CORO2B: variants seen among roughly 807,000 people sequenced by gnomAD.
The protein encoded by CORO2B is coronin 2B.
CORO2B carries 26 observed loss-of-function variants against 58.8 expected under a neutral mutation model. That is an observed-to-expected ratio of 0.44 (90% CI 0.32 to 0.61). CORO2B has a LOEUF of 0.61. Among genes scored for constraint, CORO2B ranks in the 20% least tolerant of loss-of-function variants. The pLI, the probability that CORO2B is intolerant of heterozygous loss-of-function variation, is 0.04. For synonymous variants in CORO2B, 242 were observed against 253.8 expected, an observed-to-expected ratio of 0.95 and a Z score of 0.44; for missense variants, 460 against 645.1, an observed-to-expected ratio of 0.71 and a Z score of 3.11.
At chr15:68,705,938 A>T (rs762795317) in intron 3 of CORO2B, among the ~76,000 whole-genome samples, 2 of 152,158 alleles carry the variant, frequency 1.3e-5, no homozygotes, top group Admixed American at 1.3e-4. Context: ...TGAGACTGGA[A>T]CCTGGGCTGG....
chr15:68,699,627 G>T (rs530529830), intron 3 of CORO2B, among the ~76,000 whole-genome samples: 1 of 152,142 alleles, frequency 6.6e-6, no homozygotes, highest in Non-Finnish European at 1.5e-5. Flanking sequence ...GCCCTGAACC[G>T]CATCTTACCC....
intron 5 of CORO2B, 134 bp downstream of exon 5, chr15:68,711,840 C>T (rs1355689154): frequency 8.6e-6 from 9 of 1,048,438 alleles, no homozygotes; most frequent in South Asian, 2.9e-5. Context: ...GTTGAACAAC[C>T]TTTCTCTCTC....
chr15:68,656,547 A>T (rs1486686061), intron 2 of CORO2B, among the ~76,000 whole-genome samples: 1 of 152,044 alleles, frequency 6.6e-6, no homozygotes, highest in Non-Finnish European at 1.5e-5. Flanking sequence ...CAGATGATTG[A>T]TCCTGGCAGC....
chr15:68,694,737 C>T lies in CORO2B; in HGVS notation c.217-403C>T, dbSNP rs534126987. 5.3e-5 allele frequency among the ~76,000 whole-genome samples: 8 copies of T among 152,322 alleles called. No individual in the cohort carries two copies. The South Asian group carries it at 8.3e-4, about 16-fold the overall frequency. On this transcript the variant is annotated intron_variant, in intron 2 of 11. Transcript: ENST00000261861. Reference sequence around the variant, plus strand: ...TAGGTACACCCAGCATCTGAGCGTGCGTGAACAAGGCAGATCGTGGGCCTG... The same window carrying T: ...TAGGTACACCCAGCATCTGAGCGTGTGTGAACAAGGCAGATCGTGGGCCTG...
At chr15:68,554,244 T>G in the CORO2B span, among the ~76,000 whole-genome samples, 3 of 151,970 alleles carry the variant, frequency 2.0e-5, no homozygotes, top group Non-Finnish European at 4.4e-5. Context: ...TGAAATTGAG[T>G]GGACTAGACT....
intron 1 of CORO2B, among the ~76,000 whole-genome samples, chr15:68,641,829 T>C (rs1160524815): frequency 6.6e-6 from 1 of 151,976 alleles, no homozygotes; most frequent in African/African-American, 2.4e-5. Flanking sequence ...GCTCAAGCCA[T>C]CCTCCCACCT....
chr15:68,709,352 G>A (rs917152669), intron 3 of CORO2B, among the ~76,000 whole-genome samples: 3 of 150,934 alleles, frequency 2.0e-5, no homozygotes, highest in African/African-American at 7.3e-5. Flanking sequence ...TTTTTTTTTG[G>A]TTGGCTATTT....
rs755530055 is a variant in CORO2B at position 68,726,377 on chromosome 15, G to T, written c.*403G>T. The T allele has an allele frequency of 5.5e-5, 15 of 270,334 alleles. No individual in the cohort carries two copies. In the Admixed American group the frequency reaches 6.5e-4, roughly 12 times the overall value. The allele number at this position is 270,334 out of a possible 1,614,324, so 16.7% of individuals were successfully genotyped here. On this transcript the variant is annotated 3_prime_UTR_variant, in exon 12 of 12. Coordinates refer to ENST00000261861, the MANE Select transcript of CORO2B (RefSeq NM_006091.5). ...GCTGCCAGGACATCTCAGCACTCCC[G>T]CCTGGAGCTCTCAGCATCACTGAAG...
rs1596044384 is a variant in CORO2B, at chr15:68,726,094, A to C, written c.*120A>C. On this transcript the variant is annotated 3_prime_UTR_variant, in exon 12 of 12. Transcript: ENST00000261861. ...GACAGGAGTGGGGGCCAGCCTGAGG[A>C]CCCCCGCCTACCACCTCGAGAACTG... The C allele has an allele frequency of 7.9e-7, 1 of 1,267,862 alleles. No homozygotes were observed. 78.5% of individuals were successfully genotyped at this position (1,267,862 alleles called of 1,614,324 possible). A position where few individuals can be genotyped will look rare whatever the true frequency, so the allele number is the denominator to read the frequency against.
At chr15:68,587,803 A>C (rs1899604724) in intron 1 of CORO2B, among the ~76,000 whole-genome samples, 2 of 152,186 alleles carry the variant, frequency 1.3e-5, no homozygotes, top group Non-Finnish European at 1.5e-5. Context: ...GAAGGAAGGG[A>C]GGTAACTTTT....
At chr15:68,541,947 G>T in the CORO2B span, among the ~76,000 whole-genome samples, 3 of 152,246 alleles carry the variant, frequency 2.0e-5, no homozygotes, top group East Asian at 5.8e-4. Flanking sequence ...TCAACCCAGG[G>T]AGTCTGTGGG....
intron 1 of CORO2B, among the ~76,000 whole-genome samples, chr15:68,618,743 T>G (rs1019313458): frequency 2.0e-5 from 3 of 152,236 alleles, no homozygotes; most frequent in African/African-American, 4.8e-5. Flanking sequence ...CAAGGTCACA[T>G]GGCTACTAAG....
the CORO2B span, among the ~76,000 whole-genome samples, chr15:68,551,611 C>T: frequency 2.0e-5 from 3 of 152,124 alleles, no homozygotes; most frequent in Non-Finnish European, 4.4e-5. Context: ...CCTTCTCCCA[C>T]GGAAGGCAGC....
intron 2 of CORO2B, among the ~76,000 whole-genome samples, chr15:68,661,669 T>C (rs1043153600): frequency 1.1e-4 from 17 of 152,350 alleles, no homozygotes; most frequent in Admixed American, 5.2e-4. Flanking sequence ...CAAGTGTTCT[T>C]AATGGCATAT....
chr15:68,599,250 C>T (rs1899914861), intron 1 of CORO2B, among the ~76,000 whole-genome samples: 1 of 152,206 alleles, frequency 6.6e-6, no homozygotes, highest in South Asian at 2.1e-4. Context: ...AAACTCTATC[C>T]TTCTCATGCC....
intron 2 of CORO2B, among the ~76,000 whole-genome samples, chr15:68,691,669 CT>C (rs1257093125): frequency 7.5e-5 from 11 of 146,362 alleles, no homozygotes; most frequent in East Asian, 6.1e-4. Context: ...GGTTTTCAAG[CT>C]TTTTTTTTAA....
intron 2 of CORO2B, among the ~76,000 whole-genome samples, chr15:68,689,993 G>A (rs8032349): frequency 0.89 from 136,026 of 152,246 alleles, 61,649 homozygotes; most frequent in East Asian, 1. Flanking sequence ...ATTACATTGA[G>A]TAAACTTGCA....
intron 1 of CORO2B, among the ~76,000 whole-genome samples, chr15:68,608,991 C>T (rs1049273353): frequency 1.3e-5 from 2 of 152,182 alleles, no homozygotes; most frequent in Non-Finnish European, 2.9e-5. Flanking sequence ...AGACCCTATC[C>T]TCAAGGTGCA....
chr15:68,683,915 G>A (rs1902876556), intron 2 of CORO2B, among the ~76,000 whole-genome samples: 1 of 152,170 alleles, frequency 6.6e-6, no homozygotes, highest in Non-Finnish European at 1.5e-5. Flanking sequence ...GAGTGTCAAG[G>A]CAGGACTGTG....
Sources: gnomAD v4.1 joint callset for allele counts (sites outside exome capture counted in the v4.1 genomes callset) on GRCh38, gnomAD v4.1.1 for gene constraint, MANE v1.5 for transcripts, NCBI Gene and HGNC (gene_info 2026-07-23, HGNC 2026-07-21) for gene names.